Variants in RRP15 observed in about 807,000 individuals in gnomAD.
The protein encoded by RRP15 is ribosomal RNA processing 15 homolog.
RRP15 carries 18 observed loss-of-function variants against 27.1 expected under a neutral mutation model. The ratio of observed to expected loss-of-function variants is 0.66; its 90% CI spans 0.46 to 0.98. The LOEUF is 0.98. Ranked by LOEUF, RRP15 falls within the 50% of genes least tolerant of loss-of-function variation. RRP15 has a pLI of 0.00. For synonymous variants in RRP15, 107 were observed against 109.4 expected, an observed-to-expected ratio of 0.98 and a Z score of 0.14; for missense variants, 359 against 337.8, an observed-to-expected ratio of 1.06 and a Z score of -0.49.
intron 4 of RRP15, among the ~76,000 whole-genome samples, chr1:218,325,047 T>C (rs1469630100): frequency 6.6e-6 from 1 of 152,242 alleles, no homozygotes; most frequent in African/African-American, 2.4e-5. Context: ...TGGAATTTCT[T>C]CTGGATTGAA....
At position 218,337,945 on chromosome 1, in the gene RRP15, G is replaced by A. The variant is rs1157180988; in HGVS notation, c.*6854G>A. 2.0e-5 allele frequency: 3 copies of A among 151,932 alleles called. No homozygotes were observed. Among genetic ancestry groups the A allele is most frequent in the African/African-American group, 4.8e-5 (2 of 41,350 alleles). The allele number at this position is 151,932 out of a possible 1,614,324, so 9.4% of individuals were successfully genotyped here. On this transcript the variant is annotated 3_prime_UTR_variant, in exon 5 of 5. Coordinates refer to ENST00000366932, the MANE Select transcript of RRP15 (RefSeq NM_016052.4). ...CTTTCCATGTGTCCACTGTTTCCTT[G>A]TGCCTTTTGATTAATAAAACTTTAT...
intron 4 of RRP15, among the ~76,000 whole-genome samples, chr1:218,323,069 A>G (rs1465900625): frequency 2.0e-5 from 3 of 152,092 alleles, no homozygotes; most frequent in Non-Finnish European, 4.4e-5. Flanking sequence ...GGCGTTCTGG[A>G]AGCTTGGAGA....
Position 218,315,437 on chromosome 1 carries a change from G to A in RRP15, c.705+7805G>A, listed in dbSNP as rs185193165. On this transcript the variant is annotated intron_variant, in intron 4 of 4. Transcript: ENST00000366932. The stretch of plus-strand genomic sequence containing the variant: ...CTGGCTATTTTCATTATTTACTTTT[G>A]GTTTTTCTAAGGCAGGATCTCACTC... 2.0e-5 allele frequency among the ~76,000 whole-genome samples: 3 copies of A among 151,884 alleles called. No individual in the cohort carries two copies. The East Asian group carries it at 5.8e-4, about 30-fold the overall frequency.
intron 4 of RRP15, among the ~76,000 whole-genome samples, chr1:218,329,551 C>T (rs977743570): frequency 6.6e-6 from 1 of 152,190 alleles, no homozygotes; most frequent in African/African-American, 2.4e-5. Context: ...TATTGTTCTC[C>T]TATCAGTGTG....
intron 1 of RRP15, among the ~76,000 whole-genome samples, chr1:218,292,592 T>C (rs942196593): frequency 1.7e-4 from 26 of 152,250 alleles, no homozygotes; most frequent in African/African-American, 5.3e-4. Context: ...AAAAGTGCCA[T>C]GAGTATTGAT....
At chr1:218,330,857 G>A (rs1656354375) in intron 4 of RRP15, 91 bp from the exon 5 acceptor site, 32 of 1,041,486 alleles carry the variant, frequency 3.1e-5, no homozygotes, top group Non-Finnish European at 4.5e-5. Context: ...TAAAAACTAA[G>A]CATTGAAAAG....
chr1:218,287,479 C>G (rs1223838768), intron 1 of RRP15, among the ~76,000 whole-genome samples: 4 of 152,096 alleles, frequency 2.6e-5, no homozygotes, highest in Non-Finnish European at 5.9e-5. Flanking sequence ...TTGTTGTGTT[C>G]CCTTAGGTTC....
At chr1:218,291,376 C>T (rs1190103418) in intron 1 of RRP15, among the ~76,000 whole-genome samples, 1 of 150,844 alleles carries the variant, frequency 6.6e-6, no homozygotes, top group Non-Finnish European at 1.5e-5. Flanking sequence ...ACCTGGGAGG[C>T]AGAGGTTGCA....
At chr1:218,308,283 G>A (rs1216939447) in intron 4 of RRP15, among the ~76,000 whole-genome samples, 1 of 151,426 alleles carries the variant, frequency 6.6e-6, no homozygotes, top group Non-Finnish European at 1.5e-5. Flanking sequence ...TGTTGACCAG[G>A]CTGGTCTTGA....
At chr1:218,286,163 C>G (rs1306136537) in intron 1 of RRP15, among the ~76,000 whole-genome samples, 1 of 152,164 alleles carries the variant, frequency 6.6e-6, no homozygotes, top group Non-Finnish European at 1.5e-5. Flanking sequence ...ACAGACAGAG[C>G]TATTCTTTTA....
At chr1:218,328,772 A>G (rs953586419) in intron 4 of RRP15, among the ~76,000 whole-genome samples, 3 of 152,052 alleles carry the variant, frequency 2.0e-5, no homozygotes, top group Admixed American at 1.3e-4. Context: ...AGCTCAGTCC[A>G]ACTAGAGGTT....
chr1:218,330,495 T>C (rs1006669036), intron 4 of RRP15, among the ~76,000 whole-genome samples: 5 of 152,192 alleles, frequency 3.3e-5, no homozygotes, highest in Non-Finnish European at 5.9e-5. Context: ...TGTAGTTTCT[T>C]TTTCCCACTT....
At chr1:218,287,762 T>G (rs1326675919) in intron 1 of RRP15, among the ~76,000 whole-genome samples, 2 of 152,222 alleles carry the variant, frequency 1.3e-5, no homozygotes, top group Admixed American at 1.3e-4. Flanking sequence ...ATCTCTCTCC[T>G]TATAGAGATA....
chr1:218,304,967 A>G (rs992886812), intron 2 of RRP15, 61 bp from the exon 3 acceptor site: 12 of 1,444,206 alleles, frequency 8.3e-6, no homozygotes, highest in South Asian at 4.6e-5. Context: ...TATCATACCA[A>G]TGTTTGCTGC....
intron 1 of RRP15, among the ~76,000 whole-genome samples, chr1:218,297,768 A>T (rs1343880660): frequency 6.6e-6 from 1 of 152,196 alleles, no homozygotes; most frequent in Non-Finnish European, 1.5e-5. Context: ...ATGTTTTTAA[A>T]AGTAAGGACT....
At chr1:218,286,018 T>C (rs1423774976) in intron 1 of RRP15, among the ~76,000 whole-genome samples, 1 of 152,188 alleles carries the variant, frequency 6.6e-6, no homozygotes, top group Non-Finnish European at 1.5e-5. Flanking sequence ...TTTGAGGCTT[T>C]CAACCATGCT....
At chr1:218,321,127 C>A (rs544831536) in intron 4 of RRP15, among the ~76,000 whole-genome samples, 10 of 152,212 alleles carry the variant, frequency 6.6e-5, no homozygotes, top group African/African-American at 1.9e-4. Flanking sequence ...TGTATGTTTG[C>A]GCTTTGAAAT....
At position 218,307,426 on chromosome 1, in the gene RRP15, T is replaced by C. The variant is rs771297453; in HGVS notation, c.504-5T>C. ...ACATCATTCTGGTCATTTTATATTC[T>C]ACAGGGGTGTGGTGCAATTATTTAA... On this transcript the variant is annotated splice_region_variant and splice_polypyrimidine_tract_variant and intron_variant, in intron 3 of 4. Transcript: ENST00000366932. 1.2e-6 allele frequency: 2 copies of C among 1,611,100 alleles called. No individual in the cohort carries two copies. The highest frequency in any genetic ancestry group is 1.7e-6 in the Non-Finnish European group (2 of 1,177,708).
At chr1:218,290,250 TACTC>T (rs1655617530) in intron 1 of RRP15, among the ~76,000 whole-genome samples, 1 of 152,224 alleles carries the variant, frequency 6.6e-6, no homozygotes, top group Non-Finnish European at 1.5e-5. Flanking sequence ...TATAAATACT[TACTC>T]TCAATTTGTG....
Sources: gnomAD v4.1 joint callset for allele counts (sites outside exome capture counted in the v4.1 genomes callset) on GRCh38, gnomAD v4.1.1 for gene constraint, MANE v1.5 for transcripts, NCBI Gene and HGNC (gene_info 2026-07-23, HGNC 2026-07-21) for gene names.